Variants in TMC5 observed in about 807,000 individuals in gnomAD.
TMC5 encodes transmembrane channel like 5.
Under a neutral mutation model 110.5 loss-of-function variants are expected in TMC5, and 86 were observed. The ratio of observed to expected loss-of-function variants is 0.78; its 90% confidence interval spans 0.65 to 0.93. The LOEUF is 0.93. Ranked by LOEUF, TMC5 falls within the 40% of genes least tolerant of loss-of-function variation. The pLI is 0.00. For synonymous variants in TMC5, 455 were observed against 439.5 expected, an observed-to-expected ratio of 1.04 and a Z score of -0.44; for missense variants, 1,144 against 1,222.8, an observed-to-expected ratio of 0.94 and a Z score of 0.96.
chr16:19,461,542 C>A (rs1443470804), intron 6 of TMC5, among the ~76,000 whole-genome samples: 3 of 151,936 alleles, frequency 2.0e-5, no homozygotes, highest in Non-Finnish European at 4.4e-5. Flanking sequence ...CCACTGCACT[C>A]CAGCCTGGGT....
intron 5 of TMC5, among the ~76,000 whole-genome samples, chr16:19,457,418 G>A (rs1456804066): frequency 6.6e-6 from 1 of 152,016 alleles, no homozygotes; most frequent in Non-Finnish European, 1.5e-5. Context: ...TGAGTAATAT[G>A]GAAGGGCGGA....
At chr16:19,417,094 C>CAAAAAAAAAAAA (rs60613963), upstream of TMC5, among the ~76,000 whole-genome samples, 5 of 69,096 alleles carry the variant, frequency 7.2e-5, no homozygotes, top group Admixed American at 2.2e-4. Context: ...ACTCAGTCTT[C>CAAAAAAAAAAAA]AAAAAAAAAA....
At chr16:19,434,721 CATAA>C (rs965536841) in intron 2 of TMC5, among the ~76,000 whole-genome samples, 1 of 152,030 alleles carries the variant, frequency 6.6e-6, no homozygotes, top group African/African-American at 2.4e-5. Context: ...TTACATTGTA[CATAA>C]ATAAATATAA....
intron 2 of TMC5, among the ~76,000 whole-genome samples, chr16:19,434,391 A>ATC: frequency 4.7e-4 from 3 of 6,354 alleles, no homozygotes; most frequent in African/African-American, 1.7e-3. Context: ...TATAATATAG[A>ATC]TATAATATAT....
chr16:19,430,036 C>T (rs1703846581), intron 1 of TMC5, among the ~76,000 whole-genome samples: 1 of 152,042 alleles, frequency 6.6e-6, no homozygotes, highest in South Asian at 2.1e-4. Flanking sequence ...CAACTCATAA[C>T]AGTGGTCACG....
rs1263715931 is a variant in TMC5 at position 19,434,045 on chromosome 16, AAT to A, written c.-80+3413_-80+3414del. On this transcript the variant is annotated intron_variant, in intron 2 of 21. Coordinates refer to ENST00000542583, the MANE Select transcript of TMC5 (RefSeq NM_001261841.2). ...ATATAAATCTATATATTATATATAT[AAT>A]ATATATAATATAAATCTATATATAT... 4.5e-4 allele frequency among the ~76,000 whole-genome samples: 3 copies of A among 6,646 alleles called. No homozygotes were observed. The East Asian group carries it at 0.016, about 35-fold the overall frequency. 4.4% of individuals were successfully genotyped at this position (6,646 alleles called of 152,430 possible). A position where few individuals can be genotyped will look rare whatever the true frequency, so the allele number is the denominator to read the frequency against.
intron 17 of TMC5, 73 bp downstream of exon 17, chr16:19,487,399 A>C (rs1026307670): frequency 1.3e-6 from 2 of 1,541,502 alleles, no homozygotes; most frequent in South Asian, 1.3e-5. Context: ...CGTAGGTTTT[A>C]TTATAATTCA....
At chr16:19,445,494 G>A (rs369577710) in intron 4 of TMC5, among the ~76,000 whole-genome samples, 2 of 151,944 alleles carry the variant, frequency 1.3e-5, no homozygotes, top group Non-Finnish European at 2.9e-5. Context: ...CTCCAGTCTC[G>A]GCCTCCCAAA....
chr16:19,472,617 G>A (rs894116599), intron 11 of TMC5, among the ~76,000 whole-genome samples: 4 of 152,202 alleles, frequency 2.6e-5, no homozygotes, highest in African/African-American at 7.2e-5. Context: ...CAGCTGTGTC[G>A]TTTCACAGCC....
chr16:19,432,598 T>A (rs944656824), intron 2 of TMC5, among the ~76,000 whole-genome samples: 3 of 152,248 alleles, frequency 2.0e-5, no homozygotes, highest in Admixed American at 6.5e-5. Context: ...TATTTCCTTA[T>A]GGCCATTTCC....
intron 2 of TMC5, among the ~76,000 whole-genome samples, chr16:19,434,257 A>G (rs1215705306): frequency 1.6e-5 from 2 of 124,202 alleles, no homozygotes; most frequent in Non-Finnish European, 3.2e-5. Context: ...TAAAATATAT[A>G]TATCTATAAT....
chr16:19,434,342 A>G (rs1193520880), intron 2 of TMC5, among the ~76,000 whole-genome samples: 2 of 123,096 alleles, frequency 1.6e-5, no homozygotes, highest in Non-Finnish European at 3.2e-5. Flanking sequence ...TATAATATAT[A>G]TTATATGATC....
intron 9 of TMC5, 33 bp from the exon 10 acceptor site, chr16:19,469,648 A>C: frequency 6.2e-7 from 1 of 1,612,580 alleles, no homozygotes; most frequent in South Asian, 1.1e-5. Flanking sequence ...GGCCATAATA[A>C]CCTTCAGGTG....
intron 1 of TMC5, among the ~76,000 whole-genome samples, chr16:19,418,483 C>G (rs1461691617): frequency 6.6e-6 from 1 of 152,052 alleles, no homozygotes; most frequent in South Asian, 2.1e-4. Context: ...ACGACAAACA[C>G]GCAATAAATG....
At chr16:19,478,753 T>C (rs1968546861) in intron 13 of TMC5, among the ~76,000 whole-genome samples, 1 of 152,116 alleles carries the variant, frequency 6.6e-6, no homozygotes, top group Non-Finnish European at 1.5e-5. Flanking sequence ...TATTCATCCA[T>C]CCATTCATCC....
chr16:19,469,683 TG>T lies in TMC5; in HGVS notation c.1642del (p.Ala548ProfsTer21), dbSNP rs745503863. The T allele has an allele frequency of 6.2e-7, 1 of 1,614,040 alleles. No homozygotes were observed. Among genetic ancestry groups the T allele is most frequent in the Non-Finnish European group, 8.5e-7 (1 of 1,179,916 alleles). On this transcript the variant is annotated frameshift_variant, in exon 10 of 22. Coordinates refer to ENST00000542583, the MANE Select transcript of TMC5 (RefSeq NM_001261841.2). LOFTEE classifies it high-confidence loss of function. ...TTCFFSLLFSMAKYFRNNFIN... is the reference protein window; with the variant it reads ...TTCFFSLLFSXAKYFRNNFIN... ...GTTCTGCTTTCTGCCTTCTCTAGCA[TG>T]GCCAAGTATTTCCGGAACAACTTCA...
intron 12 of TMC5, among the ~76,000 whole-genome samples, chr16:19,476,594 T>G (rs1215448325): frequency 6.6e-6 from 1 of 151,926 alleles, no homozygotes; most frequent in African/African-American, 2.4e-5. Context: ...AATAAAGAGG[T>G]TGGCAGTGTA....
intron 2 of TMC5, among the ~76,000 whole-genome samples, chr16:19,435,356 G>C (rs992955661): frequency 1.4e-5 from 2 of 147,398 alleles, no homozygotes; most frequent in Non-Finnish European, 3.0e-5. Context: ...AAAAAAATTA[G>C]CCGGGCATGG....
chr16:19,422,683 G>A (rs964133407), intron 1 of TMC5, among the ~76,000 whole-genome samples: 2 of 152,004 alleles, frequency 1.3e-5, no homozygotes, highest in South Asian at 2.1e-4. Context: ...AAAATAGGCC[G>A]GGCCCAGTGG....
Sources: gnomAD v4.1 joint callset for allele counts (sites outside exome capture counted in the v4.1 genomes callset) on GRCh38, gnomAD v4.1.1 for gene constraint, MANE v1.5 for transcripts, NCBI Gene and HGNC (gene_info 2026-07-23, HGNC 2026-07-21) for gene names.